UNC13C: variants seen among roughly 807,000 people sequenced by gnomAD.
UNC13C encodes the protein unc-13 homolog C.
Under a neutral mutation model 245.4 loss-of-function variants are expected in UNC13C, and 174 were observed. The ratio of observed to expected loss-of-function variants is 0.71; its 90% CI spans 0.63 to 0.80. The LOEUF (loss-of-function observed/expected upper bound fraction) is 0.80. Among genes scored for constraint, UNC13C ranks in the 30% least tolerant of loss-of-function variants. The pLI is 0.00. For missense variants in UNC13C, 2,829 were observed against 2,602.9 expected, an observed-to-expected ratio of 1.09 and a Z score of -1.89; for synonymous variants, 992 against 895.1, an observed-to-expected ratio of 1.11 and a Z score of -1.93.
At chr15:54,427,004 A>G (rs1221465627) in intron 19 of UNC13C, among the ~76,000 whole-genome samples, 1 of 151,832 alleles carries the variant, frequency 6.6e-6, no homozygotes, top group African/African-American at 2.4e-5. Context: ...TTCTAAAGCT[A>G]TATCTGAATA....
chr15:54,437,100 G>A (rs1890261089), intron 19 of UNC13C, among the ~76,000 whole-genome samples: 3 of 151,858 alleles, frequency 2.0e-5, no homozygotes, highest in Admixed American at 1.3e-4. Flanking sequence ...TGGCATGTCT[G>A]GTAACAAACT....
the UNC13C span, among the ~76,000 whole-genome samples, chr15:53,918,633 G>A: frequency 6.6e-6 from 1 of 152,200 alleles, no homozygotes; most frequent in Non-Finnish European, 1.5e-5. Context: ...ATTACACATT[G>A]TCTAAGGATA....
chr15:54,304,512 C>T (rs1452745711), intron 13 of UNC13C, among the ~76,000 whole-genome samples: 2 of 151,972 alleles, frequency 1.3e-5, no homozygotes, highest in Non-Finnish European at 1.5e-5. Flanking sequence ...CTGCCTCTAT[C>T]GCCCTGACGT....
intron 9 of UNC13C, 90 bp downstream of exon 9, chr15:54,264,485 T>G: frequency 9.7e-7 from 1 of 1,028,286 alleles, no homozygotes; most frequent in Non-Finnish European, 1.4e-6. Context: ...ATAGGTAAAA[T>G]AAATGGTTAT....
At chr15:54,545,932 A>G (rs1896464379) in intron 26 of UNC13C, among the ~76,000 whole-genome samples, 1 of 152,172 alleles carries the variant, frequency 6.6e-6, no homozygotes, top group Non-Finnish European at 1.5e-5. Context: ...AGGATCTAGA[A>G]CTAGAAATAC....
chr15:54,585,065 G>A (rs1327572388), intron 30 of UNC13C, among the ~76,000 whole-genome samples: 2 of 152,176 alleles, frequency 1.3e-5, no homozygotes, highest in African/African-American at 4.8e-5. Context: ...GAATTAAGAG[G>A]TAATGAAGTC....
intron 30 of UNC13C, among the ~76,000 whole-genome samples, chr15:54,614,235 G>C (rs1249525968): frequency 6.6e-6 from 1 of 151,904 alleles, no homozygotes; most frequent in East Asian, 1.9e-4. Context: ...GTCTTATTCT[G>C]TTTTAACACC....
intron 17 of UNC13C, among the ~76,000 whole-genome samples, chr15:54,351,605 A>C (rs1441085181): frequency 6.6e-6 from 1 of 152,140 alleles, no homozygotes; most frequent in South Asian, 2.1e-4. Context: ...TGGTAAAACA[A>C]TACAGCAATT....
chr15:54,199,938 A>C (rs889336839), intron 4 of UNC13C, among the ~76,000 whole-genome samples: 1 of 152,112 alleles, frequency 6.6e-6, no homozygotes, highest in Non-Finnish European at 1.5e-5. Flanking sequence ...TGCTATTTTC[A>C]GGAGACTGAT....
chr15:54,586,391 G>C (rs1271474010), intron 30 of UNC13C, among the ~76,000 whole-genome samples: 1 of 152,212 alleles, frequency 6.6e-6, no homozygotes, highest in African/African-American at 2.4e-5. Flanking sequence ...TTTTTGGTGA[G>C]ATTGCTCTTC....
At chr15:54,499,712 G>A (rs1894112409) in intron 20 of UNC13C, among the ~76,000 whole-genome samples, 1 of 152,140 alleles carries the variant, frequency 6.6e-6, no homozygotes, top group East Asian at 1.9e-4. Context: ...AGATTAGTGT[G>A]AATGGGTAGA....
chr15:54,042,314 A>G (rs980277331), intron 2 of UNC13C, among the ~76,000 whole-genome samples: 2 of 152,218 alleles, frequency 1.3e-5, no homozygotes, highest in Admixed American at 6.5e-5. Flanking sequence ...TGAGCTTATC[A>G]TTGAAAATGT....
chr15:54,532,658 TA>T (rs142699507), intron 25 of UNC13C, among the ~76,000 whole-genome samples: 47,932 of 151,834 alleles, frequency 0.32, 8,468 homozygotes, highest in East Asian at 0.52. Context: ...CAACTGTGAC[TA>T]TCAGAGGTGG....
At chr15:54,458,456 A>G (rs1288481076) in intron 19 of UNC13C, among the ~76,000 whole-genome samples, 2 of 152,022 alleles carry the variant, frequency 1.3e-5, no homozygotes, top group Non-Finnish European at 2.9e-5. Context: ...TTTGGTCTTA[A>G]TGACCTGCCT....
intron 14 of UNC13C, among the ~76,000 whole-genome samples, chr15:54,326,134 A>T (rs16974513): frequency 0.32 from 48,838 of 151,856 alleles, 8,093 homozygotes; most frequent in African/African-American, 0.36. Flanking sequence ...GAGTCCTTGC[A>T]GAGAACACTA....
chr15:54,250,443 G>A lies in UNC13C; in HGVS notation c.3447G>A (p.Gln1149=). 1.9e-6 allele frequency: 3 copies of A among 1,603,486 alleles called. No homozygotes were observed. The highest frequency in any genetic ancestry group is 8.5e-7 in the Non-Finnish European group (1 of 1,174,370). Residue 1149 remains glutamine, a splice_region_variant and synonymous_variant, in exon 8 of 33, where the codon CAG becomes CAA. Coordinates refer to ENST00000260323, the MANE Select transcript of UNC13C (RefSeq NM_001080534.3). ...ACCTGCTAAACGCTGACTGCTTGCA[G>A]AGTGAGTACTTGGTTTGGCTGAAAA... ...CQDLLNADCL[Q]RAAEKSSKHG... is the part of the protein sequence containing the mutation.
chr15:54,370,737 C>T (rs1019378462), intron 17 of UNC13C, among the ~76,000 whole-genome samples: 1 of 152,054 alleles, frequency 6.6e-6, no homozygotes, highest in Non-Finnish European at 1.5e-5. Flanking sequence ...TTGACCTTCA[C>T]TAAGGGTCTC....
At chr15:54,262,455 CT>C (rs2036450386) in intron 8 of UNC13C, among the ~76,000 whole-genome samples, 3 of 152,158 alleles carry the variant, frequency 2.0e-5, no homozygotes, top group Admixed American at 2.0e-4. Flanking sequence ...ATATTAACTA[CT>C]TGAATAAAAT....
intron 17 of UNC13C, among the ~76,000 whole-genome samples, chr15:54,343,178 G>A (rs1338039318): frequency 6.7e-6 from 1 of 148,560 alleles, no homozygotes; most frequent in Admixed American, 6.8e-5. Context: ...CTGTCACCCA[G>A]ACTGGAGCGC....
Sources: allele counts gnomAD v4.1 joint callset (sites outside exome capture counted in the v4.1 genomes callset), GRCh38; gene constraint gnomAD v4.1.1; transcripts MANE v1.5; gene names NCBI Gene and HGNC (gene_info 2026-07-23, HGNC 2026-07-21).